The following GPC5 variants were observed in gnomAD, a reference collection of about 807,000 sequenced individuals.
GPC5 encodes the protein glypican-5.
In GPC5, 47 loss-of-function variants were observed where a neutral mutation model predicts 53.9. That is an observed-to-expected ratio of 0.87 (90% CI 0.69 to 1.11). The LOEUF is 1.11. Among genes scored for constraint, GPC5 ranks in the 50% most tolerant of loss-of-function variants. GPC5 has a pLI of 0.00. For synonymous variants in GPC5, 286 were observed against 263.3 expected, an observed-to-expected ratio of 1.09 and a Z score of -0.84; for missense variants, 748 against 713.1, an observed-to-expected ratio of 1.05 and a Z score of -0.56.
At chr13:91,689,232 C>T (rs371217) in intron 2 of GPC5, among the ~76,000 whole-genome samples, 2,481 of 45,922 alleles carry the variant, frequency 0.054, 76 homozygotes, top group East Asian at 0.12. Flanking sequence ...TATATATATA[C>T]ACATATAAAA....
chr13:91,646,847 T>C (rs949622702), intron 2 of GPC5, among the ~76,000 whole-genome samples: 1 of 152,172 alleles, frequency 6.6e-6, no homozygotes, highest in African/African-American at 2.4e-5. Flanking sequence ...CATGTGTCTG[T>C]CACAGAGCAT....
At chr13:92,863,093 A>G (rs903791734) in intron 7 of GPC5, among the ~76,000 whole-genome samples, 1 of 152,162 alleles carries the variant, frequency 6.6e-6, no homozygotes, top group Non-Finnish European at 1.5e-5. Flanking sequence ...GCCATTCCAG[A>G]TGACAAGGAA....
chr13:92,272,225 A>G (rs2042844590), intron 7 of GPC5, among the ~76,000 whole-genome samples: 2 of 152,148 alleles, frequency 1.3e-5, no homozygotes, highest in Non-Finnish European at 2.9e-5. Flanking sequence ...TTTAGCCAAT[A>G]TTTACCTGTA....
chr13:92,506,203 A>G lies in GPC5; in HGVS notation c.1562-360079A>G, dbSNP rs142192340. Among the ~76,000 whole-genome samples the G allele has an allele frequency of 1.4e-3, 210 of 152,316 alleles. 3 individuals carry two copies. The East Asian group carries it at 0.035, about 26-fold the overall frequency. ...GTAAAAAGCTTGGAAGATGAGCTGC[A>G]TGAAAATGCAAAATAAAGGCTGTCT... On this transcript the variant is annotated intron_variant, in intron 7 of 7. Coordinates refer to ENST00000377067, the MANE Select transcript of GPC5 (RefSeq NM_004466.6).
chr13:92,738,360 T>G (rs1211402950), intron 7 of GPC5, among the ~76,000 whole-genome samples: 1 of 152,078 alleles, frequency 6.6e-6, no homozygotes. Context: ...GAATGACAGA[T>G]TATTTGCCCC....
At chr13:91,741,802 A>G (rs1302995340) in intron 4 of GPC5, among the ~76,000 whole-genome samples, 2 of 152,198 alleles carry the variant, frequency 1.3e-5, no homozygotes, top group Non-Finnish European at 2.9e-5. Context: ...TGTATATACA[A>G]ATATTCAGTG....
chr13:92,110,119 C>T (rs999137733), intron 6 of GPC5, among the ~76,000 whole-genome samples: 4 of 152,124 alleles, frequency 2.6e-5, no homozygotes, highest in African/African-American at 4.8e-5. Context: ...AAGCTGCAGA[C>T]TGACATCTTT....
At chr13:92,193,201 C>G (rs986165207) in intron 7 of GPC5, among the ~76,000 whole-genome samples, 1 of 151,940 alleles carries the variant, frequency 6.6e-6, no homozygotes, top group African/African-American at 2.4e-5. Context: ...AAATATATTG[C>G]ATATTATGCT....
intron 2 of GPC5, among the ~76,000 whole-genome samples, chr13:91,582,290 G>A (rs1234298272): frequency 6.6e-6 from 1 of 152,164 alleles, no homozygotes; most frequent in Non-Finnish European, 1.5e-5. Flanking sequence ...ATATGGACTT[G>A]CTAATATTTC....
intron 6 of GPC5, among the ~76,000 whole-genome samples, chr13:92,098,295 A>G (rs2041437495): frequency 6.6e-6 from 1 of 152,184 alleles, no homozygotes; most frequent in Non-Finnish European, 1.5e-5. Context: ...TTTGTTAAAG[A>G]TAATGGCCTT....
At chr13:92,078,961 C>G (rs2041273826) in intron 6 of GPC5, among the ~76,000 whole-genome samples, 1 of 152,222 alleles carries the variant, frequency 6.6e-6, no homozygotes, top group South Asian at 2.1e-4. Context: ...GAGCTCTGTG[C>G]AGTGTCATCC....
intron 2 of GPC5, among the ~76,000 whole-genome samples, chr13:91,601,266 G>A (rs2033172129): frequency 1.3e-5 from 2 of 152,166 alleles, no homozygotes; most frequent in South Asian, 4.1e-4. Context: ...CTGATCCACT[G>A]ATTGCATGAA....
In GPC5 at chr13:92,071,185, A is replaced by G. The variant is rs1171858612; in HGVS notation, c.1402-73645A>G. On this transcript the variant is annotated intron_variant, in intron 6 of 7. Transcript: ENST00000377067. ...TGGGAGGCAGAGGCTGCGGTGAACC[A>G]AGATTGTGCCACTACAATCCAATCT... Among the ~76,000 whole-genome samples, 5 of 152,150 alleles carry G rather than the reference A, an allele frequency of 3.3e-5. No individual in the cohort carries two copies. In the East Asian group the frequency reaches 7.7e-4, roughly 23 times the overall value.
At chr13:92,199,919 C>CA (rs1408180693) in intron 7 of GPC5, among the ~76,000 whole-genome samples, 2 of 152,058 alleles carry the variant, frequency 1.3e-5, no homozygotes, top group Admixed American at 6.6e-5. Context: ...TAAAAGCTTG[C>CA]AATATACATT....
chr13:92,301,823 A>G (rs1172865733), intron 7 of GPC5, among the ~76,000 whole-genome samples: 3 of 152,150 alleles, frequency 2.0e-5, no homozygotes, highest in East Asian at 1.9e-4. Flanking sequence ...ACTTGAACCC[A>G]GGAGGCAGAG....
chr13:91,464,902 A>G (rs928685167), intron 2 of GPC5, among the ~76,000 whole-genome samples: 2 of 152,162 alleles, frequency 1.3e-5, no homozygotes, highest in South Asian at 4.1e-4. Context: ...ATACTGTACT[A>G]TAGTTATACA....
chr13:91,523,747 C>T (rs1033582651), intron 2 of GPC5, among the ~76,000 whole-genome samples: 1 of 152,124 alleles, frequency 6.6e-6, no homozygotes, highest in Non-Finnish European at 1.5e-5. Context: ...ACACACAGCA[C>T]CCATGTGAGG....
At chr13:92,587,722 C>A (rs1482998521) in intron 7 of GPC5, among the ~76,000 whole-genome samples, 1 of 151,958 alleles carries the variant, frequency 6.6e-6, no homozygotes, top group East Asian at 1.9e-4. Context: ...ATCACCATTC[C>A]AGCCAGTAAT....
At chr13:92,580,283 T>A (rs1883329414) in intron 7 of GPC5, among the ~76,000 whole-genome samples, 1 of 152,198 alleles carries the variant, frequency 6.6e-6, no homozygotes, top group South Asian at 2.1e-4. Context: ...TTGCAAAGAC[T>A]GGCAAATGTA....
Sources: allele counts gnomAD v4.1 joint callset (sites outside exome capture counted in the v4.1 genomes callset), GRCh38; gene constraint gnomAD v4.1.1; transcripts MANE v1.5; gene names NCBI Gene and HGNC (gene_info 2026-07-23, HGNC 2026-07-21).